Variants in C2CD3 observed in about 807,000 individuals in gnomAD.
C2CD3 encodes C2 domain containing 3 centriole elongation regulator.
C2CD3 carries 148 observed loss-of-function variants against 234.0 expected under a neutral mutation model. The ratio of observed to expected loss-of-function variants is 0.63; its 90% confidence interval spans 0.55 to 0.72. The LOEUF is 0.72. C2CD3 is among the 30% of genes least tolerant of loss of function. The pLI is 0.00. For missense variants in C2CD3, 2,577 were observed against 2,811.5 expected (o/e 0.92, Z 1.89); for synonymous variants, 1,000 against 1,035.4 (o/e 0.97, Z 0.66).
At position 74,092,508 on chromosome 11, in the gene C2CD3, G is replaced by T; in HGVS notation, c.3425C>A (p.Thr1142Asn). ...TATTCCCACATCCTCACGATGCTGG[G>T]TGGTTACCATAGCACAGATCCTTGA... Reference protein sequence around the residue: ...PLSRICAMVTTQHREDVGIQT... With the variant: ...PLSRICAMVTNQHREDVGIQT... Residue 1142 changes from threonine (T) to asparagine (N), a missense_variant, in exon 19 of 33, where the codon ACC becomes AAC. Coordinates refer to ENST00000334126, the MANE Select transcript of C2CD3 (RefSeq NM_001286577.2). The T allele has an allele frequency of 6.2e-7, 1 of 1,613,872 alleles. No homozygotes were observed. The highest frequency in any genetic ancestry group is 8.5e-7 in the Non-Finnish European group (1 of 1,179,784).
chr11:74,083,603 A>C (rs1044007050), intron 22 of C2CD3, among the ~76,000 whole-genome samples: 1 of 152,216 alleles, frequency 6.6e-6, no homozygotes, highest in Non-Finnish European at 1.5e-5. Flanking sequence ...CAAGAAAAAA[A>C]CAAATAACCT....
chr11:74,013,561 G>A, intron 32 of C2CD3, 36 bp from the exon 33 acceptor site: 1 of 1,252,556 alleles, frequency 8.0e-7, no homozygotes, highest in Non-Finnish European at 1.0e-6. Flanking sequence ...TACCACTGAG[G>A]ATATGGCACC....
At chr11:74,070,302 G>A (rs1343597212) in intron 24 of C2CD3, among the ~76,000 whole-genome samples, 1 of 152,222 alleles carries the variant, frequency 6.6e-6, no homozygotes, top group Non-Finnish European at 1.5e-5. Flanking sequence ...TTTCAGAGCT[G>A]CTTCAGAACT....
chr11:74,077,112 A>G lies in C2CD3; in HGVS notation c.4603+1003T>C, dbSNP rs144357358. ...TTTCTTTTCTGCTCTGTTTATTACCATATAGATTTTCTTTATGGTTCCAAG... is the reference window on the plus strand; with the variant it reads ...TTTCTTTTCTGCTCTGTTTATTACCGTATAGATTTTCTTTATGGTTCCAAG... On this transcript the variant is annotated intron_variant, in intron 23 of 32. Transcript: ENST00000334126. Among the ~76,000 whole-genome samples the G allele has an allele frequency of 3.7e-3, 565 of 152,216 alleles. 3 individuals are homozygous for G. The highest frequency in any genetic ancestry group is 0.027 in the Middle Eastern group (8 of 294).
At position 74,042,166 on chromosome 11, in the gene C2CD3, T is replaced by C; in HGVS notation, c.5548A>G (p.Ile1850Val). The C allele has an allele frequency of 6.2e-7, 1 of 1,612,698 alleles. No individual in the cohort carries two copies. The highest frequency in any genetic ancestry group is 8.5e-7 in the Non-Finnish European group (1 of 1,179,890). Residue 1850 changes from isoleucine to valine, a missense_variant, in exon 29 of 33, where the codon ATT becomes GTT. Coordinates refer to ENST00000334126, the MANE Select transcript of C2CD3 (RefSeq NM_001286577.2). ...ASRHEEHVQN[I>V]RRFHESLHLQ... ...TGCAGGGATTCATGAAACCGGCGAATGTTCTGCACATGCTCTTCATGGCGT... is the reference window on the plus strand; with the variant it reads ...TGCAGGGATTCATGAAACCGGCGAACGTTCTGCACATGCTCTTCATGGCGT...
At chr11:74,154,496 T>C (rs905572585) in intron 3 of C2CD3, among the ~76,000 whole-genome samples, 1 of 152,208 alleles carries the variant, frequency 6.6e-6, no homozygotes, top group African/African-American at 2.4e-5. Context: ...TAAATACTTA[T>C]AGCCCTAATG....
In C2CD3 at chr11:74,168,273, A is replaced by C; in HGVS notation, c.325+71T>G. The C allele has an allele frequency of 2.3e-6, 3 of 1,279,246 alleles. No homozygotes were observed. The South Asian group carries it at 3.8e-5, about 16-fold the overall frequency. 79.2% of individuals were successfully genotyped at this position (1,279,246 alleles called of 1,614,324 possible). A position where few individuals can be genotyped will look rare whatever the true frequency, so the allele number is the denominator to read the frequency against. The stretch of plus-strand genomic sequence containing the variant: ...CCATATATGCTAGGTACACAACAAC[A>C]CTTATTGCTGACAATATAACCACAT... On this transcript the variant is annotated intron_variant, in intron 2 of 32. Transcript: ENST00000334126.
chr11:74,049,429 G>A lies in C2CD3; in HGVS notation c.5269C>T (p.Gln1757Ter). The change falls in exon 27 of 33, where the codon CAG becomes TAG. Residue 1757 changes from glutamine (Q) to a stop codon, truncating the protein, a stop_gained. Transcript: ENST00000334126. LOFTEE classifies it high-confidence loss of function. ...AAAGGGGAGACAGCAACTTTTATCT[G>A]CCCCTGGCACTCTCCACTGAAGTCT... is the stretch of plus-strand genomic sequence containing the variant. ...ITDFSGECQG[Q>*]IKVAVSPLES... is the part of the protein sequence containing the mutation. 6.2e-7 allele frequency: 1 copy of A among 1,613,956 alleles called. No individual in the cohort carries two copies. Among genetic ancestry groups the A allele is most frequent in the South Asian group, 1.1e-5 (1 of 91,062 alleles).
chr11:74,031,419 C>T (rs192387063), intron 31 of C2CD3, among the ~76,000 whole-genome samples: 1 of 152,344 alleles, frequency 6.6e-6, no homozygotes, highest in East Asian at 1.9e-4. Context: ...GGCCTCTGCA[C>T]ACACAGTTTG....
rs545427617 is a variant in C2CD3, at chr11:74,117,273, C to T, written c.1520+955G>A. ...TGTGATTGTGCCACTGCACTCCAGC[C>T]TGGGCAACATAGTGAGACCCCGTCT... On this transcript the variant is annotated intron_variant, in intron 9 of 32. Transcript: ENST00000334126. Among the ~76,000 whole-genome samples the T allele has an allele frequency of 8.9e-5, 11 of 123,840 alleles. No homozygotes were observed. In the South Asian group the frequency reaches 2.0e-3, roughly 22 times the overall value. 81.2% of individuals were successfully genotyped at this position (123,840 alleles called of 152,430 possible).
intron 30 of C2CD3, among the ~76,000 whole-genome samples, chr11:74,035,037 A>G (rs1214386668): frequency 6.6e-6 from 1 of 152,232 alleles, no homozygotes; most frequent in Non-Finnish European, 1.5e-5. Flanking sequence ...TCAATTAATA[A>G]ATAGACCCAG....
At chr11:74,075,719 T>C (rs948914474) in intron 23 of C2CD3, among the ~76,000 whole-genome samples, 2 of 152,160 alleles carry the variant, frequency 1.3e-5, no homozygotes, top group African/African-American at 4.8e-5. Flanking sequence ...CAAAGCAATG[T>C]GTAAATTATT....
At chr11:74,105,091 AAC>A (rs1956460178) in intron 13 of C2CD3, among the ~76,000 whole-genome samples, 2 of 152,236 alleles carry the variant, frequency 1.3e-5, no homozygotes, top group African/African-American at 4.8e-5. Flanking sequence ...CAATAACAAA[AAC>A]ACAGAGGCAT....
intron 17 of C2CD3, among the ~76,000 whole-genome samples, chr11:74,094,899 G>C (rs1956049498): frequency 6.6e-6 from 1 of 152,082 alleles, no homozygotes; most frequent in Admixed American, 6.6e-5. Flanking sequence ...CGAGGAATAA[G>C]AATCAACTTA....
At chr11:74,084,130 C>T (rs1405876123) in intron 22 of C2CD3, among the ~76,000 whole-genome samples, 2 of 152,122 alleles carry the variant, frequency 1.3e-5, no homozygotes, top group Non-Finnish European at 2.9e-5. Context: ...GGGATGAGTT[C>T]ATGTCCTTTG....
chr11:74,050,003 C>T (rs1344883386), intron 26 of C2CD3, among the ~76,000 whole-genome samples: 1 of 150,994 alleles, frequency 6.6e-6, no homozygotes, highest in African/African-American at 2.5e-5. Flanking sequence ...TGGTCTTGAA[C>T]CCCCAGCCTC....
intron 3 of C2CD3, among the ~76,000 whole-genome samples, chr11:74,156,025 C>T (rs190643606): frequency 1.2e-4 from 19 of 152,098 alleles, no homozygotes; most frequent in Admixed American, 9.8e-4. Flanking sequence ...CCTGTAATCC[C>T]AGCACTTTGG....
chr11:74,159,231 T>G (rs1222517998), intron 3 of C2CD3, among the ~76,000 whole-genome samples: 1 of 152,242 alleles, frequency 6.6e-6, no homozygotes, highest in African/African-American at 2.4e-5. Flanking sequence ...TACTTGATAA[T>G]GATAATAAAC....
chr11:74,054,974 A>G (rs983343113), intron 25 of C2CD3, among the ~76,000 whole-genome samples: 2 of 152,200 alleles, frequency 1.3e-5, no homozygotes, highest in Admixed American at 6.5e-5. Context: ...CTCAACATGC[A>G]TTTAAGAGTT....
Sources: gnomAD v4.1 joint callset for allele counts (sites outside exome capture counted in the v4.1 genomes callset) on GRCh38, gnomAD v4.1.1 for gene constraint, MANE v1.5 for transcripts, NCBI Gene and HGNC (gene_info 2026-07-23, HGNC 2026-07-21) for gene names.